Variants in STK33 observed in about 807,000 individuals in gnomAD.
STK33 encodes serine/threonine-protein kinase 33.
A neutral mutation model predicts 58.0 loss-of-function variants in STK33; 52 were observed. That is an observed-to-expected ratio of 0.90 (90% confidence interval 0.72 to 1.13). The LOEUF (loss-of-function observed/expected upper bound fraction) is 1.13. Ranked by LOEUF, STK33 falls within the 50% of genes most tolerant of loss-of-function variation. STK33 has a pLI of 0.00. For synonymous variants in STK33, 215 were observed against 200.1 expected (o/e 1.07, Z -0.63); for missense variants, 630 against 604.2 (o/e 1.04, Z -0.45).
At chr11:8,548,312 A>T (rs1207434356) in intron 1 of STK33, among the ~76,000 whole-genome samples, 1 of 152,102 alleles carries the variant, frequency 6.6e-6, no homozygotes, top group Non-Finnish European at 1.5e-5. Context: ...ATCTAGTTTC[A>T]TTCTTCTGCA....
At chr11:8,568,301 A>G (rs934476906) in intron 1 of STK33, among the ~76,000 whole-genome samples, 2 of 152,220 alleles carry the variant, frequency 1.3e-5, no homozygotes, top group African/African-American at 4.8e-5. Context: ...AAAATGGCAT[A>G]AAAGTTCCTC....
At chr11:8,471,942 T>G (rs1480188566) in intron 6 of STK33, among the ~76,000 whole-genome samples, 3 of 152,192 alleles carry the variant, frequency 2.0e-5, no homozygotes, top group Non-Finnish European at 4.4e-5. Context: ...TTACTGTTTT[T>G]GGAGACAAGG....
the STK33 span, among the ~76,000 whole-genome samples, chr11:8,357,088 C>G: frequency 1.4e-4 from 22 of 152,366 alleles, no homozygotes; most frequent in Admixed American, 2.6e-4. Context: ...GCCCTCTTCC[C>G]TCCTCCCGGC....
chr11:8,483,893 T>C (rs1169717945), intron 1 of STK33, among the ~76,000 whole-genome samples: 1 of 152,178 alleles, frequency 6.6e-6, no homozygotes, highest in Non-Finnish European at 1.5e-5. Flanking sequence ...TTTATACATA[T>C]ATACACACAA....
chr11:8,398,487 G>T (rs1388579651), intron 15 of STK33, among the ~76,000 whole-genome samples: 2 of 152,178 alleles, frequency 1.3e-5, no homozygotes, highest in Non-Finnish European at 2.9e-5. Context: ...GGAACAAAAG[G>T]TTCCAGCCAA....
At chr11:8,593,987 C>A (rs934094415) in intron 1 of STK33, 96 bp downstream of exon 1, 1 of 152,274 alleles carries the variant, frequency 6.6e-6, no homozygotes, top group African/African-American at 2.4e-5. Context: ...GTTTTTCCAC[C>A]GCGTTGCCAT....
At chr11:8,593,353 G>A (rs1004921802) in intron 1 of STK33, among the ~76,000 whole-genome samples, 2 of 152,156 alleles carry the variant, frequency 1.3e-5, no homozygotes, top group Admixed American at 6.5e-5. Flanking sequence ...CAAAAAAGAA[G>A]GTCCTTCTTA....
chr11:8,552,049 T>TC (rs957393133), intron 1 of STK33, among the ~76,000 whole-genome samples: 14 of 152,208 alleles, frequency 9.2e-5, no homozygotes, highest in Admixed American at 6.5e-5. Context: ...CTCCTGGTGT[T>TC]CCCCATGGTT....
intron 1 of STK33, among the ~76,000 whole-genome samples, chr11:8,533,114 T>C (rs1335718453): frequency 6.6e-6 from 1 of 152,260 alleles, no homozygotes; most frequent in African/African-American, 2.4e-5. Context: ...GTTGAAAATG[T>C]CCTTATTGTC....
intron 15 of STK33, among the ~76,000 whole-genome samples, chr11:8,396,560 G>C (rs1302277981): frequency 6.6e-6 from 1 of 152,254 alleles, no homozygotes; most frequent in African/African-American, 2.4e-5. Flanking sequence ...TGACGCAGAA[G>C]ATGGGTGATT....
intron 1 of STK33, among the ~76,000 whole-genome samples, chr11:8,508,629 C>G (rs1261473675): frequency 6.6e-6 from 1 of 152,086 alleles, no homozygotes; most frequent in Non-Finnish European, 1.5e-5. Context: ...CACAACACCC[C>G]TCATCCCACT....
At chr11:8,482,720 T>TTTTA (rs995491304) in intron 1 of STK33, among the ~76,000 whole-genome samples, 6 of 151,802 alleles carry the variant, frequency 4.0e-5, no homozygotes, top group Non-Finnish European at 7.4e-5. Flanking sequence ...TATTTTTATT[T>TTTTA]TTTATTTATT....
chr11:8,422,998 G>A (rs1288150890), intron 14 of STK33, among the ~76,000 whole-genome samples: 5 of 149,850 alleles, frequency 3.3e-5, no homozygotes, highest in Admixed American at 6.6e-5. Flanking sequence ...GGGCCACCAT[G>A]CCCGGCTGAT....
chr11:8,418,360 G>A lies in STK33; in HGVS notation c.1147-4668C>T, dbSNP rs770721740. Among the ~76,000 whole-genome samples the A allele has an allele frequency of 2.0e-5, 3 of 151,966 alleles. 1 individual carries two copies. Among genetic ancestry groups the A allele is most frequent in the East Asian group, 3.9e-4 (2 of 5,186 alleles). On this transcript the variant is annotated intron_variant, in intron 14 of 15. Transcript: ENST00000687296. ...GTGCTATTTGGTTTTCTGTTCCCAC[G>A]TTAGTTTGCTAAAGATAACAGCCTC... is the stretch of plus-strand genomic sequence containing the variant.
At chr11:8,431,084 C>A (rs1480148249) in intron 14 of STK33, among the ~76,000 whole-genome samples, 1 of 152,012 alleles carries the variant, frequency 6.6e-6, no homozygotes, top group Non-Finnish European at 1.5e-5. Context: ...CCAGGCTGAT[C>A]GCAAACTCCT....
chr11:8,503,483 G>A (rs1951663248), intron 1 of STK33, among the ~76,000 whole-genome samples: 1 of 152,076 alleles, frequency 6.6e-6, no homozygotes, highest in Non-Finnish European at 1.5e-5. Flanking sequence ...GAGGGTGAGA[G>A]GAGTGTGAGG....
chr11:8,373,011 A>C, the STK33 span, among the ~76,000 whole-genome samples: 1 of 152,204 alleles, frequency 6.6e-6, no homozygotes, highest in Non-Finnish European at 1.5e-5. Flanking sequence ...GGGCAGTTGC[A>C]GAGTCCACTG....
the STK33 span, among the ~76,000 whole-genome samples, chr11:8,339,779 C>A: frequency 6.6e-6 from 1 of 152,254 alleles, no homozygotes. Context: ...GCAGCCACCT[C>A]CGGCTCCGCC....
At chr11:8,437,468 A>G (rs895468353) in intron 12 of STK33, among the ~76,000 whole-genome samples, 1 of 152,218 alleles carries the variant, frequency 6.6e-6, no homozygotes. Context: ...ATGTAATTAG[A>G]TTCATCACAG....
Sources: allele counts gnomAD v4.1 joint callset (sites outside exome capture counted in the v4.1 genomes callset), GRCh38; gene constraint gnomAD v4.1.1; transcripts MANE v1.5; gene names NCBI Gene and HGNC (gene_info 2026-07-23, HGNC 2026-07-21).